NCOA1: variants seen among roughly 807,000 people sequenced by gnomAD.
NCOA1 encodes the protein nuclear receptor coactivator 1.
A neutral mutation model predicts 150.9 loss-of-function variants in NCOA1; 35 were observed. That is an observed-to-expected ratio of 0.23 (90% CI 0.18 to 0.31). The LOEUF (loss-of-function observed/expected upper bound fraction) is 0.31, where lower values mean the gene tolerates loss of function less well. NCOA1 is among the 10% of genes least tolerant of loss of function. The pLI, the probability that NCOA1 is intolerant of heterozygous loss-of-function variation, is 1.00. For missense variants in NCOA1, 1,491 were observed against 1,749.3 expected, an observed-to-expected ratio of 0.85 and a Z score of 2.63; for synonymous variants, 590 against 630.0, an observed-to-expected ratio of 0.94 and a Z score of 0.95.
At chr2:24,708,837 C>T (rs916092079) in intron 13 of NCOA1, among the ~76,000 whole-genome samples, 5 of 152,206 alleles carry the variant, frequency 3.3e-5, no homozygotes, top group African/African-American at 1.2e-4. Flanking sequence ...AGATGGAAGT[C>T]CTTGTCATTC....
chr2:24,603,750 T>C (rs6720514), intron 3 of NCOA1, among the ~76,000 whole-genome samples: 29,299 of 152,148 alleles, frequency 0.19, 2,986 homozygotes, highest in Non-Finnish European at 0.23. Context: ...GGTCTTGAAC[T>C]CATAAAAGTC....
intron 11 of NCOA1, among the ~76,000 whole-genome samples, chr2:24,701,066 A>T (rs889271583): frequency 6.6e-6 from 1 of 152,200 alleles, no homozygotes; most frequent in Non-Finnish European, 1.5e-5. Context: ...GAGCACATCT[A>T]TCAGCAGTTA....
intron 3 of NCOA1, among the ~76,000 whole-genome samples, chr2:24,612,435 C>T (rs1465611759): frequency 1.3e-5 from 2 of 152,220 alleles, no homozygotes; most frequent in Non-Finnish European, 2.9e-5. Flanking sequence ...ATGTCTACCT[C>T]TCTTGCAAGA....
chr2:24,516,971 T>C (rs1664212886), intron 1 of NCOA1, among the ~76,000 whole-genome samples: 1 of 55,608 alleles, frequency 1.8e-5, no homozygotes, highest in Non-Finnish European at 4.4e-5. Context: ...TATACGTATA[T>C]ATACACATAT....
intron 3 of NCOA1, among the ~76,000 whole-genome samples, chr2:24,629,594 A>G (rs1010447393): frequency 4.0e-5 from 6 of 150,062 alleles, no homozygotes; most frequent in African/African-American, 1.5e-4. Flanking sequence ...TCCTGAATAT[A>G]TGTTACTGAA....
chr2:24,716,384 T>C (rs922190173), intron 14 of NCOA1, among the ~76,000 whole-genome samples: 3 of 151,340 alleles, frequency 2.0e-5, no homozygotes, highest in African/African-American at 7.3e-5. Context: ...TAATGGAGAG[T>C]CCAGAAACAG....
chr2:24,741,192 C>T (rs1296846823), intron 18 of NCOA1, among the ~76,000 whole-genome samples: 2 of 151,878 alleles, frequency 1.3e-5, no homozygotes, highest in Non-Finnish European at 2.9e-5. Flanking sequence ...ACATGTTCAT[C>T]GTAATAATTT....
chr2:24,515,343 C>T (rs992557022), intron 1 of NCOA1, among the ~76,000 whole-genome samples: 1 of 152,112 alleles, frequency 6.6e-6, no homozygotes, highest in Admixed American at 6.5e-5. Context: ...AGCAGTCCTC[C>T]CATCTCAGCC....
chr2:24,746,437 G>A (rs138200405), intron 19 of NCOA1, among the ~76,000 whole-genome samples: 96 of 152,308 alleles, frequency 6.3e-4, no homozygotes, highest in African/African-American at 2.3e-3. Context: ...AGCTACTCGG[G>A]AGGCTGAGGC....
At position 24,758,282 on chromosome 2, in the gene NCOA1, A is replaced by G. The variant is rs1053398799; in HGVS notation, c.4065+126A>G. On this transcript the variant is annotated intron_variant, in intron 21 of 22. Transcript: ENST00000348332. ...CTTTATTCTTTCCCACTAACTTTTA[A>G]TAATTACTGGCTCTTAAGATATACA... The G allele has an allele frequency of 2.0e-5, 19 of 939,128 alleles. No homozygotes were observed. In the African/African-American group the frequency reaches 2.7e-4, roughly 13 times the overall value. 58.2% of individuals were successfully genotyped at this position (939,128 alleles called of 1,614,324 possible). A position where few individuals can be genotyped will look rare whatever the true frequency, so the allele number is the denominator to read the frequency against.
chr2:24,707,808 C>G lies in NCOA1; in HGVS notation c.2338C>G (p.Gln780Glu). 1 of 1,614,114 alleles carries G rather than the reference C, an allele frequency of 6.2e-7. No homozygotes were observed. The highest frequency in any genetic ancestry group is 8.5e-7 in the Non-Finnish European group (1 of 1,179,962). ...AAAGGTGAAAGTGGAAAAGAAAGAA[C>G]AGATGGATCCATGTAATACAAACCC... ...DVKVKVEKKE[Q>E]MDPCNTNPTP... The change falls in exon 13 of 23, where the codon CAG (glutamine) becomes GAG (glutamate). Residue 780 changes from glutamine (Q) to glutamate (E), a missense_variant. By Grantham distance (29) the Gln-to-Glu change is conservative. This residue lies in a region of NCOA1 where 703 missense variants were observed against 717.7 expected (regional missense o/e 0.98). Coordinates refer to ENST00000348332, the MANE Select transcript of NCOA1 (RefSeq NM_003743.5).
chr2:24,642,110 C>T (rs1670257895), intron 3 of NCOA1, among the ~76,000 whole-genome samples: 1 of 150,770 alleles, frequency 6.6e-6, no homozygotes, highest in Admixed American at 6.6e-5. Flanking sequence ...TGTGTGGTTT[C>T]TTTTCTCTTT....
intron 17 of NCOA1, among the ~76,000 whole-genome samples, chr2:24,738,150 A>G (rs1283614623): frequency 1.3e-5 from 2 of 152,062 alleles, no homozygotes; most frequent in Non-Finnish European, 2.9e-5. Flanking sequence ...GAGTGAGAAA[A>G]TGACTGAAGT....
chr2:24,748,939 T>C (rs890095494), intron 19 of NCOA1, among the ~76,000 whole-genome samples: 7 of 152,174 alleles, frequency 4.6e-5, no homozygotes, highest in African/African-American at 1.4e-4. Context: ...TACTAAATTA[T>C]GGGCAATCAT....
At chr2:24,552,043 G>A (rs1380763338) in intron 1 of NCOA1, among the ~76,000 whole-genome samples, 1 of 151,752 alleles carries the variant, frequency 6.6e-6, no homozygotes, top group Non-Finnish European at 1.5e-5. Context: ...TGTCTTAATT[G>A]CTGTAGCTTT....
chr2:24,617,693 A>G (rs375010336), intron 3 of NCOA1, among the ~76,000 whole-genome samples: 4 of 152,062 alleles, frequency 2.6e-5, no homozygotes, highest in Non-Finnish European at 4.4e-5. Context: ...GCTAAATGGC[A>G]TTAATGAGTC....
chr2:24,705,434 G>A (rs1282761118), intron 12 of NCOA1, among the ~76,000 whole-genome samples: 1 of 152,080 alleles, frequency 6.6e-6, no homozygotes, highest in African/African-American at 2.4e-5. Context: ...CATAAAGGGA[G>A]GTAGGAAAGC....
chr2:24,674,119 A>ATGTG lies in NCOA1; in HGVS notation c.354+659_354+660insGTGT, dbSNP rs374109233. On this transcript the variant is annotated intron_variant, in intron 7 of 22. Coordinates refer to ENST00000348332, the MANE Select transcript of NCOA1 (RefSeq NM_003743.5). ...TACATGAATGTTTAAAGACATATGT[A>ATGTG]TGTATGTGTGTGTGTGTGTGTGTGT... 6.5e-4 allele frequency among the ~76,000 whole-genome samples: 45 copies of ATGTG among 68,754 alleles called. No homozygotes were observed. The East Asian group carries it at 8.5e-3, about 13-fold the overall frequency. The allele number at this position is 68,754 out of a possible 152,430, so 45.1% of individuals were successfully genotyped here.
rs866346170 is a variant in NCOA1 at position 24,724,995 on chromosome 2, C to T, written c.2600-1594C>T. Among the ~76,000 whole-genome samples the T allele has an allele frequency of 1.2e-4, 18 of 151,846 alleles. No homozygotes were observed. In the East Asian group the frequency reaches 3.3e-3, roughly 28 times the overall value. ...TTGTCATGATAGAGATGAGGTTAAT[C>T]GAAAGCTGTAATTATATACATTTAA... On this transcript the variant is annotated intron_variant, in intron 14 of 22. Transcript: ENST00000348332.
Sources: allele counts gnomAD v4.1 joint callset (sites outside exome capture counted in the v4.1 genomes callset), GRCh38; gene constraint gnomAD v4.1.1; regional missense constraint gnomAD v4.1.1; transcripts MANE v1.5; gene names NCBI Gene and HGNC (gene_info 2026-07-23, HGNC 2026-07-21).